PROS1: variants seen among roughly 807,000 people sequenced by gnomAD.
PROS1 encodes the protein vitamin K-dependent protein S.
Under a neutral mutation model 75.9 loss-of-function variants are expected in PROS1, and 29 were observed. The ratio of observed to expected loss-of-function variants is 0.38; its 90% CI spans 0.28 to 0.52. PROS1 has a LOEUF of 0.52. Among genes scored for constraint, PROS1 ranks in the 20% least tolerant of loss-of-function variants. The pLI is 0.83. For synonymous variants in PROS1, 245 were observed against 280.6 expected (o/e 0.87, Z 1.27); for missense variants, 680 against 810.3 (o/e 0.84, Z 1.95).
At chr3:93,891,581 TG>T (rs1312902405) in intron 10 of PROS1, among the ~76,000 whole-genome samples, 1 of 152,092 alleles carries the variant, frequency 6.6e-6, no homozygotes, top group Non-Finnish European at 1.5e-5. Flanking sequence ...GACTAATTTT[TG>T]TATTTTTAAT....
chr3:93,898,584 A>C lies in PROS1; in HGVS notation c.728-15T>G, dbSNP rs1708537761. Reference sequence around the variant, plus strand: ...TTCATCTATATCTGAGGTAAAAAAAACACACGCACACAAACTTTAATATCC... The same window carrying C: ...TTCATCTATATCTGAGGTAAAAAAACCACACGCACACAAACTTTAATATCC... On this transcript the variant is annotated splice_polypyrimidine_tract_variant and intron_variant, in intron 7 of 14. Coordinates refer to ENST00000394236, the MANE Select transcript of PROS1 (RefSeq NM_000313.4). The C allele has an allele frequency of 6.2e-7, 1 of 1,611,292 alleles. No individual in the cohort carries two copies. Among genetic ancestry groups the C allele is most frequent in the African/African-American group, 1.3e-5 (1 of 74,828 alleles).
In PROS1 at chr3:93,973,704, G is replaced by A. The variant is rs1323575023; in HGVS notation, c.46C>T (p.Leu16Phe). 2 of 1,614,026 alleles carry A rather than the reference G, an allele frequency of 1.2e-6. No individual in the cohort carries two copies. Among genetic ancestry groups the A allele is most frequent in the Non-Finnish European group, 1.7e-6 (2 of 1,179,938 alleles). Residue 16 changes from leucine to phenylalanine, a missense_variant, in exon 1 of 15, where the codon CTC (leucine) becomes TTC (phenylalanine). Transcript: ENST00000394236. Reference protein sequence around the residue: ...GRCGALLACLLLVLPVSEANF... With the variant: ...GRCGALLACLFLVLPVSEANF... ...GCCTCTGAGACGGGAAGCACTAGGA[G>A]GAGACACGCCAGCAGCGCCCCGCAG...
intron 12 of PROS1, among the ~76,000 whole-genome samples, chr3:93,882,659 G>A (rs1708289268): frequency 6.6e-6 from 1 of 152,106 alleles, no homozygotes; most frequent in Non-Finnish European, 1.5e-5. Context: ...TCCATGTAGG[G>A]GCTGACGTAA....
chr3:93,886,840 A>T (rs1378228186), intron 10 of PROS1, among the ~76,000 whole-genome samples: 1 of 152,182 alleles, frequency 6.6e-6, no homozygotes, highest in African/African-American at 2.4e-5. Flanking sequence ...CTATCTTAGG[A>T]AAAATTTAAG....
At chr3:93,909,447 A>C (rs1392410775) in intron 4 of PROS1, among the ~76,000 whole-genome samples, 2 of 151,964 alleles carry the variant, frequency 1.3e-5, no homozygotes, top group Non-Finnish European at 2.9e-5. Context: ...AAAAAAAAAA[A>C]AAAAAAAACG....
At chr3:93,928,975 G>A (rs1166432595) in intron 1 of PROS1, among the ~76,000 whole-genome samples, 2 of 152,174 alleles carry the variant, frequency 1.3e-5, no homozygotes, top group Admixed American at 1.3e-4. Flanking sequence ...GGGAAAACAT[G>A]CATTCTTGTA....
chr3:93,898,626 T>A (rs1418974191), intron 7 of PROS1, 57 bp from the exon 8 acceptor site: 9 of 1,586,480 alleles, frequency 5.7e-6, no homozygotes, highest in Non-Finnish European at 7.8e-6. Context: ...TGTTCAATCT[T>A]ATAGGCAGAG....
chr3:93,971,634 C>CACACAG (rs1469444311), intron 1 of PROS1, among the ~76,000 whole-genome samples: 1 of 146,886 alleles, frequency 6.8e-6, no homozygotes, highest in Non-Finnish European at 1.5e-5. Context: ...AAACCACACA[C>CACACAG]ACACACACAC....
intron 1 of PROS1, among the ~76,000 whole-genome samples, chr3:93,960,532 CTTTTTTT>C (rs774875701): frequency 8.8e-4 from 44 of 50,142 alleles, no homozygotes; most frequent in African/African-American, 3.8e-3. Flanking sequence ...CTCCATTGCT[CTTTTTTT>C]TTTTTTTTTT....
At chr3:93,955,503 A>C (rs1336309571) in intron 1 of PROS1, among the ~76,000 whole-genome samples, 1 of 151,912 alleles carries the variant, frequency 6.6e-6, no homozygotes, top group Non-Finnish European at 1.5e-5. Context: ...GCATGTTCTC[A>C]CTCATAGGTG....
chr3:93,934,494 C>T (rs375424655), intron 1 of PROS1, among the ~76,000 whole-genome samples: 1 of 152,166 alleles, frequency 6.6e-6, no homozygotes. Flanking sequence ...GCAACGATTT[C>T]TTCTCATATT....
intron 9 of PROS1, among the ~76,000 whole-genome samples, chr3:93,895,488 A>G (rs1708490550): frequency 6.6e-6 from 1 of 152,202 alleles, no homozygotes; most frequent in African/African-American, 2.4e-5. Context: ...AATAATTTTC[A>G]ATGTTTTTAA....
At chr3:93,971,796 C>T (rs367763643) in intron 1 of PROS1, among the ~76,000 whole-genome samples, 1 of 151,678 alleles carries the variant, frequency 6.6e-6, no homozygotes, top group Admixed American at 6.6e-5. Flanking sequence ...AGAACTAGAC[C>T]GTCTCAAAAA....
At chr3:93,881,335 C>T (rs1383294244) in intron 12 of PROS1, among the ~76,000 whole-genome samples, 3 of 151,824 alleles carry the variant, frequency 2.0e-5, no homozygotes. Flanking sequence ...AACAAACAAA[C>T]AAATGTAGTA....
At chr3:93,886,157 T>C (rs960931744) in intron 11 of PROS1, among the ~76,000 whole-genome samples, 179 bp downstream of exon 11, 2 of 152,194 alleles carry the variant, frequency 1.3e-5, no homozygotes, top group Non-Finnish European at 2.9e-5. Context: ...GTCATTTTTT[T>C]ATTTCATTAA....
At chr3:93,968,837 C>T (rs1433158150) in intron 1 of PROS1, among the ~76,000 whole-genome samples, 1 of 152,144 alleles carries the variant, frequency 6.6e-6, no homozygotes, top group Non-Finnish European at 1.5e-5. Context: ...GAAGCCCCTC[C>T]AGGATGACTA....
chr3:93,939,773 G>T (rs1268263608), intron 1 of PROS1, among the ~76,000 whole-genome samples: 1 of 151,772 alleles, frequency 6.6e-6, no homozygotes, highest in Non-Finnish European at 1.5e-5. Flanking sequence ...ACCCTAAAAG[G>T]TCAGAAAGCC....
At chr3:93,954,193 G>A (rs373742089) in intron 1 of PROS1, among the ~76,000 whole-genome samples, 41 of 152,214 alleles carry the variant, frequency 2.7e-4, no homozygotes, top group East Asian at 5.8e-4. Flanking sequence ...TCAAGCTACC[G>A]ATGACTTTCT....
intron 1 of PROS1, among the ~76,000 whole-genome samples, chr3:93,951,024 G>T (rs1257327803): frequency 6.6e-6 from 1 of 152,122 alleles, no homozygotes; most frequent in Non-Finnish European, 1.5e-5. Context: ...ATGAAATGAA[G>T]TGAGAAGAGA....
Sources: gnomAD v4.1 joint callset for allele counts (sites outside exome capture counted in the v4.1 genomes callset) on GRCh38, gnomAD v4.1.1 for gene constraint, MANE v1.5 for transcripts, NCBI Gene and HGNC (gene_info 2026-07-23, HGNC 2026-07-21) for gene names.